RBMXL2: variants seen among roughly 807,000 people sequenced by gnomAD.
RBMXL2 encodes the protein RBMX like 2, also known as RNA-binding motif protein, X-linked-like-2.
In RBMXL2, 2 loss-of-function variants were observed where a neutral mutation model predicts 1.0. That is an observed-to-expected ratio of 2.05 (90% confidence interval 0.84 to 6.44). The LOEUF is 6.44. RBMXL2 is among the 30% of genes most tolerant of loss of function. The pLI is 0.05. For synonymous variants in RBMXL2, 313 were observed against 267.9 expected (o/e 1.17, Z -1.64); for missense variants, 658 against 608.5 (o/e 1.08, Z -0.85).
At position 7,089,662 on chromosome 11, in the gene RBMXL2, C is replaced by A; in HGVS notation, c.542C>A (p.Ala181Asp). 1 of 1,450,282 alleles carries A rather than the reference C, an allele frequency of 6.9e-7. No individual in the cohort carries two copies. Among genetic ancestry groups the A allele is most frequent in the Non-Finnish European group, 9.1e-7 (1 of 1,103,660 alleles). The allele number at this position is 1,450,282 out of a possible 1,614,324, so 89.8% of individuals were successfully genotyped here. A position where few individuals can be genotyped will look rare whatever the true frequency, so the allele number is the denominator to read the frequency against. Reference sequence around the variant, plus strand: ...AGCGGCGGTGGAATGCGCGGGAGGGCCCTGGCCGTGCGGGGGCGAGACGGC... The same window carrying A: ...AGCGGCGGTGGAATGCGCGGGAGGGACCTGGCCGTGCGGGGGCGAGACGGC... ...RSSGGGMRGR[A>D]LAVRGRDGYS... Residue 181 changes from alanine (A) to aspartate (D), a missense_variant, in exon 1 of 1, where the codon GCC becomes GAC. Transcript: ENST00000306904.
In RBMXL2 at chr11:7,089,254, CCAA is replaced by C; in HGVS notation, c.138_140del (p.Asn46del). The C allele has an allele frequency of 6.2e-7, 1 of 1,611,940 alleles. No homozygotes were observed. The highest frequency in any genetic ancestry group is 8.5e-7 in the Non-Finnish European group (1 of 1,178,918). On this transcript the variant is annotated inframe_deletion, in exon 1 of 1. Coordinates refer to ENST00000306904, the MANE Select transcript of RBMXL2 (RefSeq NM_014469.5). ...GTGCTCCTGATGAAAGACCGAGAAACCAACAAGTCGAGGGGCTTCGCGTTCGTC... is the reference window on the plus strand; with the variant it reads ...GTGCTCCTGATGAAAGACCGAGAAACCAAGTCGAGGGGCTTCGCGTTCGTC...
chr11:7,090,139 G>T lies in RBMXL2; in HGVS notation c.1019G>T (p.Arg340Leu), dbSNP rs746425772. ...YGRSDRYSRGRHRVGRPDRGL... is the reference protein window; with the variant it reads ...YGRSDRYSRGLHRVGRPDRGL... ...CGGAGCGACCGCTACTCGAGGGGCC[G>T]ACACCGGGTGGGCAGACCAGATCGT... is the stretch of plus-strand genomic sequence containing the variant. Residue 340 changes from arginine to leucine, a missense_variant, in exon 1 of 1, where the codon CGA becomes CTA. Coordinates refer to ENST00000306904, the MANE Select transcript of RBMXL2 (RefSeq NM_014469.5). 6.2e-7 allele frequency: 1 copy of T among 1,613,288 alleles called. No individual in the cohort carries two copies. The highest frequency in any genetic ancestry group is 8.5e-7 in the Non-Finnish European group (1 of 1,179,680).
rs1190794791 is a variant in RBMXL2, at chr11:7,089,822, G to A, written c.702G>A (p.Ser234=). Residue 234 remains serine, a synonymous_variant, in exon 1 of 1, where the codon TCG becomes TCA. Coordinates refer to ENST00000306904, the MANE Select transcript of RBMXL2 (RefSeq NM_014469.5). ...DYREPRGFAP[S]PGEYTHRDYG... is the part of the protein sequence containing the mutation. ...GCGAACCCCGGGGTTTTGCCCCCTCGCCCGGAGAGTACACCCACCGCGATT... is the reference window on the plus strand; with the variant it reads ...GCGAACCCCGGGGTTTTGCCCCCTCACCCGGAGAGTACACCCACCGCGATT... The A allele has an allele frequency of 3.1e-6, 5 of 1,608,472 alleles. No homozygotes were observed. The highest frequency in any genetic ancestry group is 1.3e-5 in the African/African-American group (1 of 74,956).
In RBMXL2 at chr11:7,089,899, G is replaced by A. The variant is rs1441385521; in HGVS notation, c.779G>A (p.Arg260Gln). Reference sequence around the variant, plus strand: ...TGTCCCTTGAGAGGCTACAGCGACCGAGACGGCTACGGAGGTCGCGACCGT... The same window carrying A: ...TGTCCCTTGAGAGGCTACAGCGACCAAGACGGCTACGGAGGTCGCGACCGT... ...DDCPLRGYSD[R>Q]DGYGGRDRDY... The change falls in exon 1 of 1, where the codon CGA becomes CAA. Residue 260 changes from arginine to glutamine, a missense_variant. Physicochemically the swap from Arg to Gln is conservative, Grantham distance 43. Transcript: ENST00000306904. 9 of 1,612,826 alleles carry A rather than the reference G, an allele frequency of 5.6e-6. No homozygotes were observed. In the Admixed American group the frequency reaches 1.3e-4, roughly 24 times the overall value.
In RBMXL2 at chr11:7,091,058, A is replaced by T. The variant is rs145020536; in HGVS notation, c.*759A>T. On this transcript the variant is annotated 3_prime_UTR_variant, in exon 1 of 1. Transcript: ENST00000306904. ...AAAACAAGCAAATCCCAAATCCTTC[A>T]ATTGATAGCATTCATTTTCACTACC... 2.2e-3 allele frequency among the ~76,000 whole-genome samples: 333 copies of T among 152,368 alleles called. 4 individuals carry two copies. The highest frequency in any genetic ancestry group is 7.5e-3 in the African/African-American group (310 of 41,582).
In RBMXL2 at chr11:7,090,554, CTTACAT is replaced by C. The variant is rs761142333; in HGVS notation, c.*261_*266del. On this transcript the variant is annotated 3_prime_UTR_variant, in exon 1 of 1. Transcript: ENST00000306904. ...GTATATGAACCTGAGTACTAGTCTTCTTACATTTACAAGTAGAAATTCGATTAATGG... is the reference window on the plus strand; with the variant it reads ...GTATATGAACCTGAGTACTAGTCTTCTTACAAGTAGAAATTCGATTAATGG... The C allele has an allele frequency of 4.0e-5, 21 of 526,592 alleles. No individual in the cohort carries two copies. Among genetic ancestry groups the C allele is most frequent in the Non-Finnish European group, 6.6e-5 (19 of 286,966 alleles). 32.6% of individuals were successfully genotyped at this position (526,592 alleles called of 1,614,324 possible).
rs759308567 is a variant in RBMXL2 at position 7,090,097 on chromosome 11, A to C, written c.977A>C (p.Tyr326Ser). ...GCCTACAGCGGCGGCCGCGACAGTT[A>C]CAGCAGCAGTTATGGCCGGAGCGAC... Reference protein sequence around the residue: ...PDAYSGGRDSYSSSYGRSDRY... With the variant: ...PDAYSGGRDSSSSSYGRSDRY... The change falls in exon 1 of 1, where the codon TAC (tyrosine) becomes TCC (serine). Residue 326 changes from tyrosine to serine, a missense_variant. Tyr to Ser is a moderately radical substitution (Grantham distance 144). Transcript: ENST00000306904. 1 of 1,611,990 alleles carries C rather than the reference A, an allele frequency of 6.2e-7. No homozygotes were observed. The highest frequency in any genetic ancestry group is 8.5e-7 in the Non-Finnish European group (1 of 1,179,172).
chr11:7,090,389 C>A lies in RBMXL2; in HGVS notation c.*90C>A. ...TATGGTAACTACCCAAGGACTAGTA[C>A]AAGGAAGAGTTGTTTTTACCTTTTA... On this transcript the variant is annotated 3_prime_UTR_variant, in exon 1 of 1. Coordinates refer to ENST00000306904, the MANE Select transcript of RBMXL2 (RefSeq NM_014469.5). 1 of 1,414,738 alleles carries A rather than the reference C, an allele frequency of 7.1e-7. No individual in the cohort carries two copies. Among genetic ancestry groups the A allele is most frequent in the Non-Finnish European group, 9.8e-7 (1 of 1,025,628 alleles). 87.6% of individuals were successfully genotyped at this position (1,414,738 alleles called of 1,614,324 possible).
At position 7,089,805 on chromosome 11, in the gene RBMXL2, C is replaced by T. The variant is rs779687422; in HGVS notation, c.685C>T (p.Arg229Trp). Residue 229 changes from arginine to tryptophan, a missense_variant, in exon 1 of 1, where the codon CGG becomes TGG. Coordinates refer to ENST00000306904, the MANE Select transcript of RBMXL2 (RefSeq NM_014469.5). ...GYSSRDYREP[R>W]GFAPSPGEYT... Reference sequence around the variant, plus strand: ...CTCGAGCCGAGACTACCGCGAACCCCGGGGTTTTGCCCCCTCGCCCGGAGA... The same window carrying T: ...CTCGAGCCGAGACTACCGCGAACCCTGGGGTTTTGCCCCCTCGCCCGGAGA... The T allele has an allele frequency of 3.1e-6, 5 of 1,605,618 alleles. No individual in the cohort carries two copies. The highest frequency in any genetic ancestry group is 3.3e-5 in the Admixed American group (2 of 59,954).
In RBMXL2 at chr11:7,090,358, C is replaced by A; in HGVS notation, c.*59C>A. 1 of 1,521,126 alleles carries A rather than the reference C, an allele frequency of 6.6e-7. No homozygotes were observed. The highest frequency in any genetic ancestry group is 1.4e-5 in the African/African-American group (1 of 72,572). The allele number at this position is 1,521,126 out of a possible 1,614,324, so 94.2% of individuals were successfully genotyped here. On this transcript the variant is annotated 3_prime_UTR_variant, in exon 1 of 1. Coordinates refer to ENST00000306904, the MANE Select transcript of RBMXL2 (RefSeq NM_014469.5). ...CAACGAAACTAACAAAAAGAAGAAC[C>A]TGTTGTATGGTAACTACCCAAGGAC...
In RBMXL2 at chr11:7,089,864, C is replaced by T. The variant is rs777878519; in HGVS notation, c.744C>T (p.Val248=). 6.2e-7 allele frequency: 1 copy of T among 1,612,684 alleles called. No homozygotes were observed. Among genetic ancestry groups the T allele is most frequent in the Admixed American group, 1.7e-5 (1 of 60,026 alleles). ...YTHRDYGHSS[V]RDDCPLRGYS... ...ACCGCGATTACGGCCACTCCAGTGT[C>T]CGGGACGACTGTCCCTTGAGAGGCT... Residue 248 remains valine, a synonymous_variant, in exon 1 of 1, where the codon GTC becomes GTT. Transcript: ENST00000306904.
In RBMXL2 at chr11:7,089,018, G is replaced by T. The variant is rs976046371; in HGVS notation, c.-103G>T. ...TCCGTGGACTCGGCGACTAGGCGCC[G>T]CCTGACCAGTAGGAGCCGCCCTCGA... On this transcript the variant is annotated 5_prime_UTR_variant, in exon 1 of 1. Coordinates refer to ENST00000306904, the MANE Select transcript of RBMXL2 (RefSeq NM_014469.5). 2 of 1,385,826 alleles carry T rather than the reference G, an allele frequency of 1.4e-6. No homozygotes were observed. The highest frequency in any genetic ancestry group is 3.9e-5 in the Admixed American group (2 of 50,644). The allele number at this position is 1,385,826 out of a possible 1,614,324, so 85.8% of individuals were successfully genotyped here. A position where few individuals can be genotyped will look rare whatever the true frequency, so the allele number is the denominator to read the frequency against.
At position 7,089,329 on chromosome 11, in the gene RBMXL2, A is replaced by T; in HGVS notation, c.209A>T (p.Asn70Ile). ...ADAKAAARDM[N>I]GKSLDGKAIK... ...GCCAAGGCCGCCGCCAGAGACATGA[A>T]CGGCAAGTCCCTGGATGGTAAGGCC... Residue 70 changes from asparagine (N) to isoleucine (I), a missense_variant, in exon 1 of 1, where the codon AAC becomes ATC. Transcript: ENST00000306904. 1 of 1,607,966 alleles carries T rather than the reference A, an allele frequency of 6.2e-7. No individual in the cohort carries two copies. The highest frequency in any genetic ancestry group is 8.5e-7 in the Non-Finnish European group (1 of 1,177,142).
In RBMXL2 at chr11:7,089,656, G is replaced by A. The variant is rs901612973; in HGVS notation, c.536G>A (p.Gly179Glu). 4 of 1,409,074 alleles carry A rather than the reference G, an allele frequency of 2.8e-6. No individual in the cohort carries two copies. In the South Asian group the frequency reaches 4.5e-5, roughly 16 times the overall value. 87.3% of individuals were successfully genotyped at this position (1,409,074 alleles called of 1,614,324 possible). Residue 179 changes from glycine to glutamate, a missense_variant, in exon 1 of 1, where the codon GGG (glycine) becomes GAG (glutamate). By Grantham distance (98) the Gly-to-Glu change is moderately conservative. Transcript: ENST00000306904. ...PARSSGGGMR[G>E]RALAVRGRDG... ...CGCAGCAGCGGCGGTGGAATGCGCG[G>A]GAGGGCCCTGGCCGTGCGGGGGCGA...
rs748334091 is a variant in RBMXL2 at position 7,089,180 on chromosome 11, C to A, written c.60C>A (p.Asp20Glu). 2.5e-6 allele frequency: 4 copies of A among 1,614,016 alleles called. No individual in the cohort carries two copies. The highest frequency in any genetic ancestry group is 1.7e-6 in the Non-Finnish European group (2 of 1,179,960). ...LFIGGLNLET[D>E]EKALEAEFGK... Reference sequence around the variant, plus strand: ...TTGGGGGCCTCAACCTCGAAACCGACGAGAAAGCCCTCGAAGCCGAGTTTG... The same window carrying A: ...TTGGGGGCCTCAACCTCGAAACCGAAGAGAAAGCCCTCGAAGCCGAGTTTG... The change falls in exon 1 of 1, where the codon GAC becomes GAA. Residue 20 changes from aspartate (D) to glutamate (E), a missense_variant. Coordinates refer to ENST00000306904, the MANE Select transcript of RBMXL2 (RefSeq NM_014469.5).
In RBMXL2 at chr11:7,089,409, C is replaced by T. The variant is rs745383651; in HGVS notation, c.289C>T (p.Pro97Ser). ...GTTCGAGAGCAGCCGGCGGGGCCCGCCGCCTCCCCGCAGCCGCGGTCGCCC... is the reference window on the plus strand; with the variant it reads ...GTTCGAGAGCAGCCGGCGGGGCCCGTCGCCTCCCCGCAGCCGCGGTCGCCC... ...PAFESSRRGP[P>S]PPRSRGRPRF... is the part of the protein sequence containing the mutation. Residue 97 changes from proline (P) to serine (S), a missense_variant, in exon 1 of 1, where the codon CCG (proline) becomes TCG (serine). Coordinates refer to ENST00000306904, the MANE Select transcript of RBMXL2 (RefSeq NM_014469.5). 1.0e-5 allele frequency: 16 copies of T among 1,580,816 alleles called. No individual in the cohort carries two copies. The highest frequency in any genetic ancestry group is 1.3e-5 in the Non-Finnish European group (15 of 1,164,442).
In RBMXL2 at chr11:7,090,252, C is replaced by T. The variant is rs1247788219; in HGVS notation, c.1132C>T (p.Arg378Cys). The T allele has an allele frequency of 3.1e-6, 5 of 1,609,020 alleles. No homozygotes were observed. Among genetic ancestry groups the T allele is most frequent in the East Asian group, 2.2e-5 (1 of 44,732 alleles). ...CTGCAGGGTGCCCAGGGGCGGAGGC[C>T]GTCTAGGAGGCCGCTTGGAGAGAGG... ...SGCRVPRGGG[R>C]LGGRLERGGG... Residue 378 changes from arginine to cysteine, a missense_variant, in exon 1 of 1, where the codon CGT becomes TGT. Coordinates refer to ENST00000306904, the MANE Select transcript of RBMXL2 (RefSeq NM_014469.5).
In RBMXL2 at chr11:7,089,131, C is replaced by T. The variant is rs201705374; in HGVS notation, c.11C>T (p.Ala4Val). Residue 4 changes from alanine (A) to valine (V), a missense_variant, in exon 1 of 1, where the codon GCG (alanine) becomes GTG (valine). Transcript: ENST00000306904. ...GTTCGACCGGCAAACATGGTTGAAG[C>T]GGATCGCCCGGGGAAGCTGTTCATT... is the stretch of plus-strand genomic sequence containing the variant. MVE[A>V]DRPGKLFIGG... 4 of 1,613,752 alleles carry T rather than the reference C, an allele frequency of 2.5e-6. No individual in the cohort carries two copies. The highest frequency in any genetic ancestry group is 3.4e-6 in the Non-Finnish European group (4 of 1,179,840).
At position 7,089,092 on chromosome 11, in the gene RBMXL2, G is replaced by A. The variant is rs1263178074; in HGVS notation, c.-29G>A. The stretch of plus-strand genomic sequence containing the variant: ...TGGCGCCGCCTCACCGCCTCCCACC[G>A]CCACTGACCGACCGTTCGACCGGCA... On this transcript the variant is annotated 5_prime_UTR_variant, in exon 1 of 1. Coordinates refer to ENST00000306904, the MANE Select transcript of RBMXL2 (RefSeq NM_014469.5). 5.6e-6 allele frequency: 9 copies of A among 1,604,822 alleles called. No individual in the cohort carries two copies. Among genetic ancestry groups the A allele is most frequent in the Admixed American group, 1.7e-5 (1 of 59,076 alleles).
Sources: gnomAD v4.1 joint callset for allele counts (sites outside exome capture counted in the v4.1 genomes callset) on GRCh38, gnomAD v4.1.1 for gene constraint, MANE v1.5 for transcripts, NCBI Gene and HGNC (gene_info 2026-07-23, HGNC 2026-07-21) for gene names.